ZNF704: variants seen among roughly 807,000 people sequenced by gnomAD.
The protein encoded by ZNF704 is zinc finger protein 704.
ZNF704 carries 10 observed loss-of-function variants against 44.7 expected under a neutral mutation model. The ratio of observed to expected loss-of-function variants is 0.22; its 90% CI spans 0.14 to 0.38. The LOEUF (loss-of-function observed/expected upper bound fraction) is 0.38. Ranked by LOEUF, ZNF704 falls within the 10% of genes least tolerant of loss-of-function variation. ZNF704 has a pLI of 1.00. For synonymous variants in ZNF704, 211 were observed against 207.6 expected (o/e 1.02, Z -0.14); for missense variants, 390 against 545.5 (o/e 0.71, Z 2.84).
intron 4 of ZNF704, among the ~76,000 whole-genome samples, chr8:80,676,762 T>C (rs371309124): frequency 3.9e-5 from 6 of 152,174 alleles, no homozygotes; most frequent in African/African-American, 1.2e-4. Context: ...ATGGCACAGG[T>C]CGGGATGAAA....
intron 2 of ZNF704, among the ~76,000 whole-genome samples, chr8:80,765,294 T>C (rs574979249): frequency 1.1e-3 from 175 of 152,244 alleles, no homozygotes; most frequent in African/African-American, 1.5e-3. Context: ...CCTGCCAGCA[T>C]TGAGGGCAGA....
intron 5 of ZNF704, among the ~76,000 whole-genome samples, chr8:80,666,447 C>A (rs1336941797): frequency 6.7e-6 from 1 of 150,322 alleles, no homozygotes; most frequent in Non-Finnish European, 1.5e-5. Flanking sequence ...GTCTTTATAG[C>A]AGCATGATTT....
chr8:80,652,312 AAGATC>A (rs1272119795), intron 7 of ZNF704, among the ~76,000 whole-genome samples: 9 of 152,176 alleles, frequency 5.9e-5, no homozygotes, highest in Non-Finnish European at 1.2e-4. Context: ...AGAAATAACT[AAGATC>A]AGAGCAGAAC....
At chr8:80,779,604 A>C (rs1399141073) in intron 2 of ZNF704, among the ~76,000 whole-genome samples, 1 of 152,148 alleles carries the variant, frequency 6.6e-6, no homozygotes, top group Non-Finnish European at 1.5e-5. Flanking sequence ...ATCTAAAGGA[A>C]AATAGTATGT....
rs749536079 is a variant in ZNF704, at chr8:80,664,893, C to T, written c.849G>A (p.Thr283=). ...SSRTETPCAK[T]ETKLMTPLSR... is the part of the protein sequence containing the mutation. The stretch of plus-strand genomic sequence containing the variant: ...TCAACGGCGTCATCAACTTAGTCTC[C>T]GTTTTGGCACAAGGAGTTTCTGTTC... The change falls in exon 6 of 9, where the codon ACG becomes ACA. Residue 283 remains threonine (T), a synonymous_variant. Transcript: ENST00000327835. 17 of 1,614,010 alleles carry T rather than the reference C, an allele frequency of 1.1e-5. No homozygotes were observed. The highest frequency in any genetic ancestry group is 3.3e-5 in the Admixed American group (2 of 60,002).
intron 4 of ZNF704, among the ~76,000 whole-genome samples, chr8:80,677,294 C>CT (rs1421914239): frequency 6.6e-6 from 1 of 152,142 alleles, no homozygotes; most frequent in Non-Finnish European, 1.5e-5. Context: ...TACAAGATTA[C>CT]TGTTCGTCCT....
chr8:80,868,869 C>T (rs1809201772), intron 1 of ZNF704, among the ~76,000 whole-genome samples: 2 of 152,150 alleles, frequency 1.3e-5, no homozygotes, highest in African/African-American at 4.8e-5. Context: ...CACTTGCCAA[C>T]TCTCTCAACA....
intron 2 of ZNF704, among the ~76,000 whole-genome samples, chr8:80,805,917 C>T (rs927808560): frequency 6.6e-6 from 1 of 152,186 alleles, no homozygotes; most frequent in African/African-American, 2.4e-5. Context: ...CACCTGCCAT[C>T]GCCTCCCACC....
At chr8:80,664,468 A>G (rs201773409) in intron 6 of ZNF704, among the ~76,000 whole-genome samples, 1 of 151,234 alleles carries the variant, frequency 6.6e-6, no homozygotes, top group Admixed American at 6.6e-5. Flanking sequence ...ATGGGGTTTC[A>G]CCATGTTGGT....
intron 1 of ZNF704, among the ~76,000 whole-genome samples, chr8:80,846,565 A>G (rs1808771093): frequency 6.6e-6 from 1 of 152,192 alleles, no homozygotes; most frequent in Admixed American, 6.5e-5. Flanking sequence ...TCAATCAGTT[A>G]ATTTTAACAT....
At chr8:80,747,916 C>T (rs890279996) in intron 2 of ZNF704, among the ~76,000 whole-genome samples, 1 of 152,140 alleles carries the variant, frequency 6.6e-6, no homozygotes, top group Non-Finnish European at 1.5e-5. Context: ...AGGGTTTCAC[C>T]TTGTTGGCCA....
At chr8:80,852,444 C>T (rs1044105461) in intron 1 of ZNF704, among the ~76,000 whole-genome samples, 4 of 152,186 alleles carry the variant, frequency 2.6e-5, no homozygotes, top group African/African-American at 9.7e-5. Context: ...CTCTAAAATG[C>T]ATTAGTTGCT....
At chr8:80,647,353 G>A (rs1014205107) in intron 7 of ZNF704, among the ~76,000 whole-genome samples, 2 of 152,186 alleles carry the variant, frequency 1.3e-5, no homozygotes, top group African/African-American at 4.8e-5. Context: ...CTTTGTGGGA[G>A]GTGGAGGGTG....
At chr8:80,682,805 TGACA>T (rs769913664) in intron 4 of ZNF704, among the ~76,000 whole-genome samples, 18 of 152,238 alleles carry the variant, frequency 1.2e-4, no homozygotes, top group Non-Finnish European at 2.5e-4. Flanking sequence ...CGTATATTCC[TGACA>T]ACAGCCACAT....
chr8:80,847,445 C>G (rs911472110), intron 1 of ZNF704, among the ~76,000 whole-genome samples: 2 of 152,050 alleles, frequency 1.3e-5, no homozygotes, highest in African/African-American at 4.8e-5. Flanking sequence ...AAAATTCCAG[C>G]AATATTTTTG....
At chr8:80,709,556 G>A (rs1284915661) in intron 2 of ZNF704, among the ~76,000 whole-genome samples, 3 of 151,654 alleles carry the variant, frequency 2.0e-5, no homozygotes, top group African/African-American at 7.3e-5. Context: ...ACTGGGGAAG[G>A]TGCCTATGAA....
At chr8:80,777,201 C>G (rs1807428581) in intron 2 of ZNF704, among the ~76,000 whole-genome samples, 1 of 152,006 alleles carries the variant, frequency 6.6e-6, no homozygotes, top group Admixed American at 6.6e-5. Flanking sequence ...TCAGAAATTG[C>G]TAGTTATGCC....
At chr8:80,651,376 T>C (rs1309733490) in intron 7 of ZNF704, among the ~76,000 whole-genome samples, 2 of 152,174 alleles carry the variant, frequency 1.3e-5, no homozygotes, top group Non-Finnish European at 2.9e-5. Context: ...ACTGGCAAAT[T>C]GGATAAAGAG....
chr8:80,810,470 C>CT (rs138732265), intron 2 of ZNF704, among the ~76,000 whole-genome samples: 9,270 of 150,710 alleles, frequency 0.062, 310 homozygotes, highest in Non-Finnish European at 0.076. Flanking sequence ...TATTAATGAG[C>CT]TTTTTTTTAA....
Sources: gnomAD v4.1 joint callset for allele counts (sites outside exome capture counted in the v4.1 genomes callset) on GRCh38, gnomAD v4.1.1 for gene constraint, MANE v1.5 for transcripts, NCBI Gene and HGNC (gene_info 2026-07-23, HGNC 2026-07-21) for gene names.